Variants in ALPK3 observed in about 807,000 individuals in gnomAD.
ALPK3 encodes the protein alpha-protein kinase 3.
Under a neutral mutation model 140.0 loss-of-function variants are expected in ALPK3, and 102 were observed. The observed-to-expected ratio is 0.73, with a 90% CI of 0.62 to 0.86. The LOEUF (loss-of-function observed/expected upper bound fraction) is 0.86, where lower values mean the gene tolerates loss of function less well. Among genes scored for constraint, ALPK3 ranks in the 40% least tolerant of loss-of-function variants. The pLI, the probability that ALPK3 is intolerant of heterozygous loss-of-function variation, is 0.00. For synonymous variants in ALPK3, 938 were observed against 898.5 expected, an observed-to-expected ratio of 1.04 and a Z score of -0.79; for missense variants, 2,254 against 2,208.2, an observed-to-expected ratio of 1.02 and a Z score of -0.42.
At chr15:84,856,298 T>TG in intron 5 of ALPK3, 94 bp from the exon 6 acceptor site, 1 of 1,503,602 alleles carries the variant, frequency 6.7e-7, no homozygotes, top group Non-Finnish European at 8.9e-7. Context: ...TCAGAGCAGT[T>TG]GTAGATGAGG....
chr15:84,824,012 A>G (rs935259673), intron 2 of ALPK3, among the ~76,000 whole-genome samples: 4 of 152,246 alleles, frequency 2.6e-5, no homozygotes, highest in Non-Finnish European at 4.4e-5. Context: ...CCTGGCCCCA[A>G]TTCTAGGTTT....
At chr15:84,830,609 A>G (rs924670355) in intron 3 of ALPK3, among the ~76,000 whole-genome samples, 3 of 152,010 alleles carry the variant, frequency 2.0e-5, no homozygotes. Context: ...CTTGATTTAC[A>G]TTCTTATTTT....
At chr15:84,832,434 G>A (rs1315220816) in intron 3 of ALPK3, among the ~76,000 whole-genome samples, 2 of 152,178 alleles carry the variant, frequency 1.3e-5, no homozygotes, top group Non-Finnish European at 2.9e-5. Flanking sequence ...GTGAGTTTGA[G>A]GGAGGGTATG....
In ALPK3 at chr15:84,872,221, G is replaced by A. The variant is rs1322129178; in HGVS notation, c.*3765G>A. ...GTTCAGGCTCTCCCAGAGCCCAGTG[G>A]TGAGCCAGAAGGGCATTTTGTACAA... On this transcript the variant is annotated 3_prime_UTR_variant, in exon 14 of 14. Coordinates refer to ENST00000258888, the MANE Select transcript of ALPK3 (RefSeq NM_020778.5). The A allele has an allele frequency of 1.3e-5, 2 of 152,258 alleles. No individual in the cohort carries two copies. Among genetic ancestry groups the A allele is most frequent in the Non-Finnish European group, 2.9e-5 (2 of 68,052 alleles). 9.4% of individuals were successfully genotyped at this position (152,258 alleles called of 1,614,324 possible). A position where few individuals can be genotyped will look rare whatever the true frequency, so the allele number is the denominator to read the frequency against.
chr15:84,840,324 T>C lies in ALPK3; in HGVS notation c.1045T>C (p.Ser349Pro). 1 of 1,613,968 alleles carries C rather than the reference T, an allele frequency of 6.2e-7. No homozygotes were observed. The highest frequency in any genetic ancestry group is 8.5e-7 in the Non-Finnish European group (1 of 1,179,988). Residue 349 changes from serine (S) to proline (P), a missense_variant, in exon 5 of 14, where the codon TCA (serine) becomes CCA (proline). By Grantham distance (74) the Ser-to-Pro change is moderately conservative (BLOSUM62 -1). Coordinates refer to ENST00000258888, the MANE Select transcript of ALPK3 (RefSeq NM_020778.5). ...RRSSENCIPS[S>P]DEPDSCGTQG... Reference sequence around the variant, plus strand: ...TTCTTCAGAAAACTGCATCCCCAGCTCAGACGAGCCTGACTCCTGTGGGAC... The same window carrying C: ...TTCTTCAGAAAACTGCATCCCCAGCCCAGACGAGCCTGACTCCTGTGGGAC...
At chr15:84,858,593 C>G (rs1963900345) in intron 6 of ALPK3, 38 bp downstream of exon 6, 1 of 1,529,404 alleles carries the variant, frequency 6.5e-7, no homozygotes, top group East Asian at 2.3e-5. Context: ...CTTCACAGGA[C>G]AGGGCCACAG....
At position 84,856,936 on chromosome 15, in the gene ALPK3, G is replaced by A. The variant is rs567079042; in HGVS notation, c.2198G>A (p.Gly733Asp). 3 of 1,614,016 alleles carry A rather than the reference G, an allele frequency of 1.9e-6. No individual in the cohort carries two copies. In the South Asian group the frequency reaches 3.3e-5, roughly 18 times the overall value. The change falls in exon 6 of 14, where the codon GGC becomes GAC. Residue 733 changes from glycine to aspartate, a missense_variant. Physicochemically the swap from Gly to Asp is moderately conservative, Grantham distance 94 (BLOSUM62 -1). Transcript: ENST00000258888. ...QSEQEVATSL[G>D]PPSRTPKLPP... ...GAGCAAGAGGTGGCAACCAGCCTCG[G>A]CCCACCATCCAGAACCCCCAAACTC... is the stretch of plus-strand genomic sequence containing the variant.
intron 2 of ALPK3, among the ~76,000 whole-genome samples, chr15:84,824,597 C>T (rs897360278): frequency 2.0e-5 from 3 of 152,218 alleles, no homozygotes; most frequent in Non-Finnish European, 4.4e-5. Context: ...CTGTGTGGCT[C>T]ATGGGTGGAA....
chr15:84,867,161 C>T (rs1231818580), intron 12 of ALPK3, among the ~76,000 whole-genome samples, 156 bp from the exon 13 acceptor site: 1 of 151,690 alleles, frequency 6.6e-6, no homozygotes, highest in Non-Finnish European at 1.5e-5. Context: ...CACTGACACC[C>T]AGGAAGTTGA....
At position 84,864,467 on chromosome 15, in the gene ALPK3, C is replaced by T. The variant is rs776900526; in HGVS notation, c.4525C>T (p.Arg1509Trp). The change falls in exon 12 of 14, where the codon CGG (arginine) becomes TGG (tryptophan). Residue 1509 changes from arginine to tryptophan, a missense_variant. By Grantham distance (101) the Arg-to-Trp change is moderately radical. Transcript: ENST00000258888. ...GATCATCCCACTGTATCTGATCTAC[C>T]GGCCTGCAAACAATATCCCATATGC... ...PEIIPLYLIYRPANNIPYATL... is the reference protein window; with the variant it reads ...PEIIPLYLIYWPANNIPYATL... 7.0e-5 allele frequency: 113 copies of T among 1,613,986 alleles called. No individual in the cohort carries two copies. Among genetic ancestry groups the T allele is most frequent in the Middle Eastern group, 1.6e-4 (1 of 6,084 alleles).
At chr15:84,850,276 G>A (rs1427686238) in intron 5 of ALPK3, among the ~76,000 whole-genome samples, 2 of 152,116 alleles carry the variant, frequency 1.3e-5, no homozygotes, top group African/African-American at 4.8e-5. Context: ...CCCCCTTAGA[G>A]GGTTATAAAC....
At chr15:84,862,055 C>T (rs1963950838) in intron 9 of ALPK3, among the ~76,000 whole-genome samples, 2 of 152,136 alleles carry the variant, frequency 1.3e-5, no homozygotes, top group African/African-American at 2.4e-5. Context: ...CACGATATTT[C>T]AGGTCCTTGC....
chr15:84,845,294 G>A (rs929906212), intron 5 of ALPK3, among the ~76,000 whole-genome samples: 1 of 152,180 alleles, frequency 6.6e-6, no homozygotes, highest in Non-Finnish European at 1.5e-5. Context: ...AGCAACAGAG[G>A]CCACAGGTGC....
chr15:84,827,698 T>C, intron 3 of ALPK3, 93 bp downstream of exon 3: 1 of 1,537,264 alleles, frequency 6.5e-7, no homozygotes, highest in Non-Finnish European at 8.8e-7. Context: ...GGTGGCGGGC[T>C]GTGTGCACAA....
chr15:84,857,870 G>C lies in ALPK3; in HGVS notation c.3132G>C (p.Leu1044=). Reference sequence around the variant, plus strand: ...CCTCCCGCCGCCTCACCGGCCTCCTGGACCGTGAGGTGCAGGCTGGCCGCC... The same window carrying C: ...CCTCCCGCCGCCTCACCGGCCTCCTCGACCGTGAGGTGCAGGCTGGCCGCC... ...PCTSRRLTGL[L]DREVQAGRQA... The change falls in exon 6 of 14, where the codon CTG becomes CTC. Residue 1044 remains leucine (L), a synonymous_variant. Transcript: ENST00000258888. 1 of 1,612,582 alleles carries C rather than the reference G, an allele frequency of 6.2e-7. No homozygotes were observed. Among genetic ancestry groups the C allele is most frequent in the Non-Finnish European group, 8.5e-7 (1 of 1,179,530 alleles).
chr15:84,838,256 G>C (rs1046241042), intron 3 of ALPK3, among the ~76,000 whole-genome samples: 3 of 152,170 alleles, frequency 2.0e-5, no homozygotes, highest in African/African-American at 7.2e-5. Context: ...CTCTTAGAAG[G>C]GATGATCATG....
chr15:84,861,229 C>T (rs1963942426), intron 9 of ALPK3, among the ~76,000 whole-genome samples: 1 of 152,152 alleles, frequency 6.6e-6, no homozygotes, highest in Admixed American at 6.5e-5. Context: ...CTTCCTTTGC[C>T]ATATGTTTGT....
In ALPK3 at chr15:84,857,738, T is replaced by G; in HGVS notation, c.3000T>G (p.Thr1000=). 1 of 1,613,434 alleles carries G rather than the reference T, an allele frequency of 6.2e-7. No individual in the cohort carries two copies. The highest frequency in any genetic ancestry group is 1.1e-5 in the South Asian group (1 of 91,076). ...TGCCCTCAGCCACTCTGACACCCAC[T>G]GTGGAAGTGGCTGGGCTTAGTCCCC... ...GLVPSATLTP[T]VEVAGLSPRT... is the part of the protein sequence containing the mutation. The change falls in exon 6 of 14, where the codon ACT becomes ACG. Residue 1000 remains threonine (T), a synonymous_variant. Transcript: ENST00000258888.
intron 5 of ALPK3, among the ~76,000 whole-genome samples, chr15:84,849,482 A>T (rs72753059): frequency 1.2e-3 from 178 of 152,334 alleles, no homozygotes; most frequent in Non-Finnish European, 2.1e-3. Flanking sequence ...GTGCATATAA[A>T]ATATTCACCA....
Sources: allele counts gnomAD v4.1 joint callset (sites outside exome capture counted in the v4.1 genomes callset), GRCh38; gene constraint gnomAD v4.1.1; transcripts MANE v1.5; gene names NCBI Gene and HGNC (gene_info 2026-07-23, HGNC 2026-07-21).